KCNMB2: variants seen among roughly 807,000 people sequenced by gnomAD.
KCNMB2 encodes the protein potassium calcium-activated channel subfamily M regulatory beta subunit 2.
A neutral mutation model predicts 24.5 loss-of-function variants in KCNMB2; 9 were observed. The observed-to-expected ratio is 0.37, with a 90% confidence interval of 0.22 to 0.64. The LOEUF is 0.64. KCNMB2 is among the 30% of genes least tolerant of loss of function. The probability of loss-of-function intolerance (pLI) is 0.63; values close to 1 mark genes in which losing one functional copy is unlikely to be tolerated. For missense variants in KCNMB2, 226 were observed against 284.3 expected (o/e 0.79, Z 1.47); for synonymous variants, 109 against 104.4 (o/e 1.04, Z -0.27).
At chr3:178,741,736 GA>G (rs1411208333) in intron 1 of KCNMB2, among the ~76,000 whole-genome samples, 18 of 152,306 alleles carry the variant, frequency 1.2e-4, no homozygotes, top group African/African-American at 3.8e-4. Flanking sequence ...ATGTTGGTGA[GA>G]CCCCCAGCCT....
intron 1 of KCNMB2, among the ~76,000 whole-genome samples, chr3:178,706,038 A>T (rs1290711702): frequency 1.3e-5 from 2 of 152,080 alleles, no homozygotes; most frequent in Non-Finnish European, 2.9e-5. Flanking sequence ...GTAGGGAGGG[A>T]GGGGAAAATT....
intron 1 of KCNMB2, among the ~76,000 whole-genome samples, chr3:178,663,416 T>A (rs1314637884): frequency 4.6e-5 from 7 of 152,110 alleles, no homozygotes; most frequent in Non-Finnish European, 1.0e-4. Context: ...GACATCACAC[T>A]TGCCTCCAAG....
At chr3:178,566,936 A>C (rs1716547488) in intron 1 of KCNMB2, among the ~76,000 whole-genome samples, 1 of 152,236 alleles carries the variant, frequency 6.6e-6, no homozygotes, top group African/African-American at 2.4e-5. Flanking sequence ...GCATTCATTT[A>C]AAGATAAATG....
At chr3:178,775,013 T>C (rs1223299212) in intron 1 of KCNMB2, among the ~76,000 whole-genome samples, 5 of 152,340 alleles carry the variant, frequency 3.3e-5, no homozygotes, top group East Asian at 1.9e-4. Flanking sequence ...AATGCAGGTA[T>C]AGATCTGCTA....
chr3:178,652,606 C>T (rs1485759850), intron 1 of KCNMB2, among the ~76,000 whole-genome samples: 2 of 150,760 alleles, frequency 1.3e-5, no homozygotes, highest in Non-Finnish European at 3.0e-5. Context: ...GTAATTTCCC[C>T]TCTTTGCTCC....
intron 1 of KCNMB2, among the ~76,000 whole-genome samples, chr3:178,685,766 T>C (rs1465659900): frequency 1.3e-5 from 2 of 152,218 alleles, no homozygotes; most frequent in South Asian, 2.1e-4. Flanking sequence ...TTAAACAGTA[T>C]CATTCTGAAG....
At chr3:178,775,036 T>A (rs73882854) in intron 1 of KCNMB2, among the ~76,000 whole-genome samples, 1 of 152,302 alleles carries the variant, frequency 6.6e-6, no homozygotes, top group African/African-American at 2.4e-5. Context: ...AGAAACAGAT[T>A]CACTTTCTTT....
At position 178,788,660 on chromosome 3, in the gene KCNMB2, T is replaced by C. The variant is rs1713202546; in HGVS notation, c.-67-18683T>C. Among the ~76,000 whole-genome samples the C allele has an allele frequency of 3.9e-5, 6 of 152,310 alleles. No individual in the cohort carries two copies. The South Asian group carries it at 1.2e-3, about 32-fold the overall frequency. On this transcript the variant is annotated intron_variant, in intron 1 of 4. Transcript: ENST00000452583. ...TTTGTGTCATATAATTACTAAATAA[T>C]GGAGCTGGGATTGCAACCTGAATCT... is the stretch of plus-strand genomic sequence containing the variant.
intron 1 of KCNMB2, among the ~76,000 whole-genome samples, chr3:178,589,331 G>A (rs1717576352): frequency 6.6e-6 from 1 of 152,122 alleles, no homozygotes; most frequent in African/African-American, 2.4e-5. Flanking sequence ...AAATACCACA[G>A]CCTGTGCTAA....
At chr3:178,794,156 A>C (rs952414935) in intron 1 of KCNMB2, among the ~76,000 whole-genome samples, 2 of 152,132 alleles carry the variant, frequency 1.3e-5, no homozygotes, top group African/African-American at 2.4e-5. Flanking sequence ...AACACCACCA[A>C]CAACAGGCAT....
chr3:178,724,932 A>G (rs1722919823), intron 1 of KCNMB2, among the ~76,000 whole-genome samples: 1 of 152,098 alleles, frequency 6.6e-6, no homozygotes, highest in African/African-American at 2.4e-5. Flanking sequence ...GAAGTTGGGT[A>G]ATCTGATGCC....
intron 1 of KCNMB2, among the ~76,000 whole-genome samples, chr3:178,647,535 A>T (rs1224632996): frequency 6.6e-6 from 1 of 152,242 alleles, no homozygotes; most frequent in Non-Finnish European, 1.5e-5. Flanking sequence ...AGTTATTTAA[A>T]TTATCTGAAC....
At chr3:178,699,868 T>C (rs568815551) in intron 1 of KCNMB2, among the ~76,000 whole-genome samples, 1 of 152,330 alleles carries the variant, frequency 6.6e-6, no homozygotes, top group Non-Finnish European at 1.5e-5. Context: ...TCAAGTGTCA[T>C]GTGGTGGTCG....
intron 1 of KCNMB2, among the ~76,000 whole-genome samples, chr3:178,683,422 C>T (rs1721344033): frequency 6.6e-6 from 1 of 152,008 alleles, no homozygotes; most frequent in Non-Finnish European, 1.5e-5. Context: ...CAAACCTCAG[C>T]ATCATGCAAT....
At chr3:178,705,058 G>T (rs1221556147) in intron 1 of KCNMB2, among the ~76,000 whole-genome samples, 6 of 151,918 alleles carry the variant, frequency 3.9e-5, no homozygotes, top group Admixed American at 1.3e-4. Context: ...GGTTTTCTAA[G>T]CCAAAACCCA....
chr3:178,569,992 T>C (rs552225755), intron 1 of KCNMB2, among the ~76,000 whole-genome samples: 1 of 152,346 alleles, frequency 6.6e-6, no homozygotes, highest in South Asian at 2.1e-4. Context: ...TGCAATATTA[T>C]TTCTCTACTC....
intron 1 of KCNMB2, among the ~76,000 whole-genome samples, chr3:178,713,180 T>G (rs1003809351): frequency 2.0e-5 from 3 of 152,228 alleles, no homozygotes; most frequent in African/African-American, 7.2e-5. Context: ...AAAGCTTGTA[T>G]AGTGATTAGC....
intron 2 of KCNMB2, among the ~76,000 whole-genome samples, chr3:178,813,047 A>G (rs1307325037): frequency 2.0e-5 from 3 of 152,208 alleles, no homozygotes; most frequent in Admixed American, 6.5e-5. Flanking sequence ...TTATTAATTA[A>G]TTTGTGATAA....
intron 1 of KCNMB2, among the ~76,000 whole-genome samples, chr3:178,659,610 G>A (rs1281810078): frequency 6.6e-6 from 1 of 152,114 alleles, no homozygotes; most frequent in Non-Finnish European, 1.5e-5. Context: ...GCCAAGACAT[G>A]GCCCCAGATT....
Sources: allele counts gnomAD v4.1 joint callset (sites outside exome capture counted in the v4.1 genomes callset), GRCh38; gene constraint gnomAD v4.1.1; transcripts MANE v1.5; gene names NCBI Gene and HGNC (gene_info 2026-07-23, HGNC 2026-07-21).